DLGAP1: variants seen among roughly 807,000 people sequenced by gnomAD.
The protein encoded by DLGAP1 is DLG associated protein 1, also known as disks large-associated protein 1.
DLGAP1 carries 11 observed loss-of-function variants against 90.8 expected under a neutral mutation model. The ratio of observed to expected loss-of-function variants is 0.12; its 90% confidence interval spans 0.08 to 0.20. The LOEUF (loss-of-function observed/expected upper bound fraction) is 0.20. Among genes scored for constraint, DLGAP1 ranks in the 10% least tolerant of loss-of-function variants. The pLI is 1.00. For synonymous variants in DLGAP1, 558 were observed against 540.7 expected (o/e 1.03, Z -0.44); for missense variants, 1,050 against 1,333.8 (o/e 0.79, Z 3.31).
intron 1 of DLGAP1, among the ~76,000 whole-genome samples, chr18:4,374,986 T>G (rs1165041318): frequency 6.6e-6 from 1 of 152,094 alleles, no homozygotes; most frequent in Non-Finnish European, 1.5e-5. Context: ...ATCACTTCTC[T>G]TCTAGTTATT....
intron 1 of DLGAP1, among the ~76,000 whole-genome samples, chr18:4,238,008 T>C (rs1369830469): frequency 1.3e-5 from 2 of 152,148 alleles, no homozygotes; most frequent in Admixed American, 6.6e-5. Flanking sequence ...TGGTTGAGCA[T>C]CCCAAATTCA....
intron 5 of DLGAP1, among the ~76,000 whole-genome samples, chr18:3,799,623 C>G (rs1029217387): frequency 6.6e-6 from 1 of 151,860 alleles, no homozygotes; most frequent in Non-Finnish European, 1.5e-5. Flanking sequence ...CAGAGGCTTG[C>G]CAAGCTGTCT....
chr18:4,316,056 A>G (rs548762682), intron 1 of DLGAP1, among the ~76,000 whole-genome samples: 22 of 152,340 alleles, frequency 1.4e-4, no homozygotes, highest in African/African-American at 5.3e-4. Context: ...ATTTTTTTGT[A>G]CAATCTGGTT....
chr18:4,157,588 G>C (rs2076777979), intron 1 of DLGAP1, among the ~76,000 whole-genome samples: 1 of 152,206 alleles, frequency 6.6e-6, no homozygotes, highest in Non-Finnish European at 1.5e-5. Flanking sequence ...AAAGCCCTGT[G>C]CTTTGTTCAG....
chr18:3,822,413 G>A (rs1372896774), intron 4 of DLGAP1, among the ~76,000 whole-genome samples: 1 of 152,192 alleles, frequency 6.6e-6, no homozygotes, highest in African/African-American at 2.4e-5. Context: ...CATAGCAGGG[G>A]CTGGGTAAAT....
intron 7 of DLGAP1, among the ~76,000 whole-genome samples, chr18:3,627,304 G>T (rs1433754224): frequency 6.6e-6 from 1 of 152,158 alleles, no homozygotes; most frequent in Non-Finnish European, 1.5e-5. Flanking sequence ...CTCTTGAGAA[G>T]AACAGATTGC....
At chr18:4,264,506 CCTTCAA>C (rs1328611152) in intron 1 of DLGAP1, 1 of 152,292 alleles carries the variant, frequency 6.6e-6, no homozygotes, top group African/African-American at 2.4e-5. Context: ...CCTTCACTGA[CCTTCAA>C]CTCTACACTC....
intron 1 of DLGAP1, among the ~76,000 whole-genome samples, chr18:4,197,198 A>C (rs2077515726): frequency 6.7e-6 from 1 of 149,976 alleles, no homozygotes; most frequent in South Asian, 2.1e-4. Context: ...TAAAAAAAAA[A>C]AAAAAAAAAA....
intron 5 of DLGAP1, among the ~76,000 whole-genome samples, chr18:3,795,169 T>C (rs2148267966): frequency 6.6e-6 from 1 of 152,218 alleles, no homozygotes; most frequent in Middle Eastern, 3.4e-3. Flanking sequence ...CCACTGAGTG[T>C]CCTAAGTGAC....
At chr18:3,779,689 T>G (rs2065098177) in intron 5 of DLGAP1, among the ~76,000 whole-genome samples, 1 of 152,082 alleles carries the variant, frequency 6.6e-6, no homozygotes, top group Non-Finnish European at 1.5e-5. Context: ...CTTGCTCTGA[T>G]GCAAAGAGAA....
chr18:4,082,320 C>T lies in DLGAP1; in HGVS notation c.-159+68860G>A, dbSNP rs373008509. Among the ~76,000 whole-genome samples, 17 of 124,734 alleles carry T rather than the reference C, an allele frequency of 1.4e-4. No homozygotes were observed. In the South Asian group the frequency reaches 1.8e-3, roughly 13 times the overall value. The allele number at this position is 124,734 out of a possible 152,430, so 81.8% of individuals were successfully genotyped here. A position where few individuals can be genotyped will look rare whatever the true frequency, so the allele number is the denominator to read the frequency against. ...TTGCACCATTGCACTCCAGCCTGGG[C>T]GACAGAACAAGACTCCATCTCAAAA... On this transcript the variant is annotated intron_variant, in intron 2 of 12. Coordinates refer to ENST00000315677, the MANE Select transcript of DLGAP1 (RefSeq NM_004746.4).
chr18:3,864,904 A>G (rs1034047700), intron 4 of DLGAP1, among the ~76,000 whole-genome samples: 3 of 151,684 alleles, frequency 2.0e-5, no homozygotes, highest in Admixed American at 2.0e-4. Context: ...AGAGAAACAT[A>G]TCTTTTCCTT....
At chr18:4,017,746 T>A (rs2074545812) in intron 2 of DLGAP1, among the ~76,000 whole-genome samples, 1 of 152,208 alleles carries the variant, frequency 6.6e-6, no homozygotes, top group Non-Finnish European at 1.5e-5. Flanking sequence ...TTCATTTGCA[T>A]AATACAAACA....
intron 1 of DLGAP1, among the ~76,000 whole-genome samples, chr18:4,323,022 T>C (rs566483): frequency 0.2 from 29,574 of 148,462 alleles, 3,109 homozygotes; most frequent in Middle Eastern, 0.28. Flanking sequence ...ACAACTCAGA[T>C]TGGGAGAAAA....
At chr18:3,758,361 C>T (rs554361711) in intron 5 of DLGAP1, among the ~76,000 whole-genome samples, 14 of 152,294 alleles carry the variant, frequency 9.2e-5, no homozygotes, top group Non-Finnish European at 1.9e-4. Flanking sequence ...GTTTTCTAAT[C>T]TGTAAAATGA....
chr18:4,151,083 G>A (rs2076668097), intron 2 of DLGAP1, 97 bp downstream of exon 2: 1 of 152,150 alleles, frequency 6.6e-6, no homozygotes, highest in Non-Finnish European at 1.5e-5. Flanking sequence ...AATATACCAT[G>A]CTATTAAAAA....
chr18:3,502,990 GA>G (rs139837424), intron 11 of DLGAP1, among the ~76,000 whole-genome samples: 20 of 146,750 alleles, frequency 1.4e-4, no homozygotes, highest in South Asian at 6.4e-4. Flanking sequence ...TGACATTTCT[GA>G]AAAAAAAAAT....
Position 3,565,633 on chromosome 18 carries a change from G to T in DLGAP1, c.2057+1857C>A, listed in dbSNP as rs1486787646. On this transcript the variant is annotated intron_variant, in intron 9 of 12. Coordinates refer to ENST00000315677, the MANE Select transcript of DLGAP1 (RefSeq NM_004746.4). This position sits in a 1 kb window ranked among gnomAD's most constrained non-coding sequence, Gnocchi z 4.0. The stretch of plus-strand genomic sequence containing the variant: ...GGTGGATCACAAGGTCAAGATGATC[G>T]AAACCATCCTGGCCAACATGGTGAA... 6.6e-6 allele frequency among the ~76,000 whole-genome samples: 1 copy of T among 150,830 alleles called. No individual in the cohort carries two copies. The highest frequency in any genetic ancestry group is 1.5e-5 in the Non-Finnish European group (1 of 67,778).
intron 2 of DLGAP1, among the ~76,000 whole-genome samples, chr18:4,043,766 G>A (rs571597689): frequency 2.6e-5 from 4 of 152,108 alleles, no homozygotes; most frequent in Admixed American, 1.3e-4. Context: ...TTGGAGCAAC[G>A]GGTATCCTTC....
Sources: allele counts gnomAD v4.1 joint callset (sites outside exome capture counted in the v4.1 genomes callset), GRCh38; gene constraint gnomAD v4.1.1; non-coding constraint Gnocchi (gnomAD v3.1); transcripts MANE v1.5; gene names NCBI Gene and HGNC (gene_info 2026-07-23, HGNC 2026-07-21).